The following NXPH1 variants were observed in gnomAD, a reference collection of about 807,000 sequenced individuals.
The protein encoded by NXPH1 is neurexophilin-1.
Under a neutral mutation model 23.7 loss-of-function variants are expected in NXPH1, and 5 were observed. The observed-to-expected ratio is 0.21, with a 90% CI of 0.11 to 0.44. The LOEUF (loss-of-function observed/expected upper bound fraction) is 0.44, where lower values mean the gene tolerates loss of function less well. Ranked by LOEUF, NXPH1 falls within the 20% of genes least tolerant of loss-of-function variation. The pLI is 0.99. For synonymous variants in NXPH1, 144 were observed against 122.2 expected, an observed-to-expected ratio of 1.18 and a Z score of -1.18; for missense variants, 324 against 321.6, an observed-to-expected ratio of 1.01 and a Z score of -0.06.
chr7:8,748,669 A>G (rs1420405688), intron 2 of NXPH1, among the ~76,000 whole-genome samples: 1 of 152,152 alleles, frequency 6.6e-6, no homozygotes, highest in African/African-American at 2.4e-5. Context: ...ATCACAGCAG[A>G]TGCAACTGTA....
chr7:8,492,846 T>C (rs920334132), intron 2 of NXPH1, among the ~76,000 whole-genome samples: 7 of 152,044 alleles, frequency 4.6e-5, no homozygotes, highest in Admixed American at 2.0e-4. Flanking sequence ...TTTACTAGTT[T>C]ATCCCCTTAA....
intron 2 of NXPH1, among the ~76,000 whole-genome samples, chr7:8,711,689 C>T (rs979511957): frequency 1.3e-5 from 2 of 151,948 alleles, no homozygotes; most frequent in African/African-American, 4.8e-5. Context: ...TGTATGCATA[C>T]ATATGTATGT....
chr7:8,735,588 C>A (rs1309303248), intron 2 of NXPH1, among the ~76,000 whole-genome samples: 1 of 152,056 alleles, frequency 6.6e-6, no homozygotes, highest in Non-Finnish European at 1.5e-5. Context: ...GGATATTGGC[C>A]TGAAATTTTC....
intron 2 of NXPH1, among the ~76,000 whole-genome samples, chr7:8,653,877 C>T (rs1394631035): frequency 6.6e-6 from 1 of 152,134 alleles, no homozygotes; most frequent in Non-Finnish European, 1.5e-5. Flanking sequence ...CTATTTTCTC[C>T]TCTACATACT....
At chr7:8,605,732 G>C (rs1819472559) in intron 2 of NXPH1, among the ~76,000 whole-genome samples, 3 of 152,038 alleles carry the variant, frequency 2.0e-5, no homozygotes, top group South Asian at 2.1e-4. Context: ...AAATAGATAA[G>C]TTAAATCTTT....
chr7:8,742,496 G>A (rs912274160), intron 2 of NXPH1, among the ~76,000 whole-genome samples: 1 of 147,874 alleles, frequency 6.8e-6, no homozygotes, highest in African/African-American at 2.4e-5. Context: ...GTGCATTGTA[G>A]AATGTTTAGT....
chr7:8,433,706 C>G lies in NXPH1; in HGVS notation c.-1160C>G, dbSNP rs920496741. On this transcript the variant is annotated 5_prime_UTR_variant, in exon 1 of 3. Transcript: ENST00000405863. This position sits in a 1 kb window ranked among gnomAD's most constrained non-coding sequence, Gnocchi z 6.8. ...GTCGGAGGCGCCCGGCGTCGGCGCT[C>G]GAGGCCGGCAGGGGCGCCCTGCACC... 6.6e-6 allele frequency among the ~76,000 whole-genome samples: 1 copy of G among 151,990 alleles called. No homozygotes were observed. The highest frequency in any genetic ancestry group is 1.5e-5 in the Non-Finnish European group (1 of 67,954).
At chr7:8,596,475 G>A (rs533990242) in intron 2 of NXPH1, among the ~76,000 whole-genome samples, 1 of 152,038 alleles carries the variant, frequency 6.6e-6, no homozygotes, top group Non-Finnish European at 1.5e-5. Context: ...TTATTGGAAT[G>A]AACTTTACTA....
chr7:8,708,858 C>T (rs917881168), intron 2 of NXPH1, among the ~76,000 whole-genome samples: 1 of 152,120 alleles, frequency 6.6e-6, no homozygotes, highest in African/African-American at 2.4e-5. Context: ...CCATGACGAG[C>T]AATGCCGACA....
At chr7:8,628,073 G>C (rs565661413) in intron 2 of NXPH1, among the ~76,000 whole-genome samples, 1 of 152,234 alleles carries the variant, frequency 6.6e-6, no homozygotes, top group East Asian at 1.9e-4. Flanking sequence ...AGAATCATTA[G>C]AGTGTTCAGA....
chr7:8,608,553 G>A (rs146376791), intron 2 of NXPH1, among the ~76,000 whole-genome samples: 1 of 152,224 alleles, frequency 6.6e-6, no homozygotes, highest in Non-Finnish European at 1.5e-5. Context: ...CAGAGGTGGA[G>A]TGAGAAGAGA....
At chr7:8,657,921 G>T (rs11762638) in intron 2 of NXPH1, among the ~76,000 whole-genome samples, 98,493 of 152,086 alleles carry the variant, frequency 0.65, 33,578 homozygotes, top group East Asian at 0.84. Flanking sequence ...CCAGCTACTC[G>T]GGGGGCTGAA....
chr7:8,731,513 G>A (rs555997579), intron 2 of NXPH1, among the ~76,000 whole-genome samples: 8 of 152,262 alleles, frequency 5.3e-5, no homozygotes, highest in Non-Finnish European at 1.2e-4. Flanking sequence ...GTACAGATGG[G>A]TTTTTGGTGT....
At chr7:8,628,703 C>G (rs907285586) in intron 2 of NXPH1, among the ~76,000 whole-genome samples, 1 of 151,672 alleles carries the variant, frequency 6.6e-6, no homozygotes, top group African/African-American at 2.4e-5. Flanking sequence ...ATACAAAAAG[C>G]CTGATGTATT....
chr7:8,746,965 T>C (rs1266057360), intron 2 of NXPH1, among the ~76,000 whole-genome samples: 1 of 152,124 alleles, frequency 6.6e-6, no homozygotes, highest in Admixed American at 6.6e-5. Context: ...AATTAATAAT[T>C]TACATAAAAT....
At chr7:8,620,302 T>C (rs1259313702) in intron 2 of NXPH1, among the ~76,000 whole-genome samples, 1 of 152,202 alleles carries the variant, frequency 6.6e-6, no homozygotes, top group Non-Finnish European at 1.5e-5. Context: ...GATACTCATA[T>C]ATATTTACCT....
chr7:8,700,880 T>G (rs905798886), intron 2 of NXPH1, among the ~76,000 whole-genome samples: 22 of 152,050 alleles, frequency 1.4e-4, no homozygotes, highest in African/African-American at 5.3e-4. Context: ...TTGCATGGCC[T>G]TGTAAAGTGA....
At chr7:8,506,940 G>A (rs1817536452) in intron 2 of NXPH1, among the ~76,000 whole-genome samples, 2 of 152,054 alleles carry the variant, frequency 1.3e-5, no homozygotes, top group South Asian at 4.1e-4. Context: ...AGGGCTTTCA[G>A]TGTGTGTATT....
At chr7:8,564,291 C>T (rs1316714169) in intron 2 of NXPH1, among the ~76,000 whole-genome samples, 1 of 151,748 alleles carries the variant, frequency 6.6e-6, no homozygotes, top group East Asian at 1.9e-4. Context: ...TGTCTTAAAC[C>T]AGCGTAGCAG....
Sources: allele counts gnomAD v4.1 joint callset (sites outside exome capture counted in the v4.1 genomes callset), GRCh38; gene constraint gnomAD v4.1.1; non-coding constraint Gnocchi (gnomAD v3.1); transcripts MANE v1.5; gene names NCBI Gene and HGNC (gene_info 2026-07-23, HGNC 2026-07-21).